ARID1B: variants seen among roughly 807,000 people sequenced by gnomAD.
ARID1B encodes AT-rich interaction domain 1B.
A neutral mutation model predicts 212.3 loss-of-function variants in ARID1B; 30 were observed. The observed-to-expected ratio is 0.14, with a 90% CI of 0.11 to 0.19. ARID1B has a LOEUF of 0.19. ARID1B is among the 10% of genes least tolerant of loss of function. The probability of loss-of-function intolerance (pLI) is 1.00; values close to 1 mark genes in which losing one functional copy is unlikely to be tolerated. For synonymous variants in ARID1B, 1,402 were observed against 1,301.7 expected (o/e 1.08, Z -1.66); for missense variants, 2,891 against 3,204.0 (o/e 0.90, Z 2.36).
At chr6:157,101,123 C>T (rs79186857) in intron 5 of ARID1B, among the ~76,000 whole-genome samples, 8,329 of 152,210 alleles carry the variant, frequency 0.055, 348 homozygotes, top group Non-Finnish European at 0.086. Context: ...CAGTGGGAAG[C>T]ACAAGATGAA....
At chr6:156,843,406 A>G (rs1048136314) in intron 2 of ARID1B, among the ~76,000 whole-genome samples, 2 of 152,204 alleles carry the variant, frequency 1.3e-5, no homozygotes, top group Non-Finnish European at 2.9e-5. Flanking sequence ...TTCAATGTCT[A>G]CAGTTGTTCA....
chr6:156,929,856 C>A lies in ARID1B; in HGVS notation c.2137-5610C>A, dbSNP rs1174189645. ...TTGTTTGTCAAGGACCAAGGTGCTCCTTTCCCTCCTCCATTCCTCCATCAT... is the reference window on the plus strand; with the variant it reads ...TTGTTTGTCAAGGACCAAGGTGCTCATTTCCCTCCTCCATTCCTCCATCAT... On this transcript the variant is annotated intron_variant, in intron 3 of 19. Transcript: ENST00000636930. Among the ~76,000 whole-genome samples the A allele has an allele frequency of 4.6e-5, 7 of 152,190 alleles. 1 individual carries two copies. The East Asian group carries it at 1.4e-3, about 29-fold the overall frequency.
chr6:156,976,537 A>G (rs1777260532), intron 4 of ARID1B: 1 of 210,398 alleles, frequency 4.8e-6, no homozygotes, highest in East Asian at 1.6e-4. Flanking sequence ...GAGGATTGAA[A>G]AAAGAACCAC....
chr6:157,127,805 A>C (rs1326732658), intron 6 of ARID1B, among the ~76,000 whole-genome samples: 1 of 143,548 alleles, frequency 7.0e-6, no homozygotes, highest in Non-Finnish European at 1.5e-5. Flanking sequence ...AAAAAAAAAA[A>C]ACAAAAATTA....
Position 157,207,933 on chromosome 6 carries a change from GTCACATATAACTGGCTGTTT to G in ARID1B, c.*45_*64del. The stretch of plus-strand genomic sequence containing the variant: ...AGCATGTGTGAGTGAAGATTAGAGG[GTCACATATAACTGGCTGTTT>G]TCTGTTCTTGTTTATCCAGCGTAGG... On this transcript the variant is annotated 3_prime_UTR_variant, in exon 20 of 20. Coordinates refer to ENST00000636930, the MANE Select transcript of ARID1B (RefSeq NM_001374828.1). The surrounding 1 kb of genome is among the most constrained non-coding windows in gnomAD (Gnocchi z 8.5). 6.9e-7 allele frequency: 1 copy of G among 1,444,562 alleles called. No homozygotes were observed. Among genetic ancestry groups the G allele is most frequent in the South Asian group, 1.8e-5 (1 of 55,402 alleles). The allele number at this position is 1,444,562 out of a possible 1,614,324, so 89.5% of individuals were successfully genotyped here. A position where few individuals can be genotyped will look rare whatever the true frequency, so the allele number is the denominator to read the frequency against.
intron 4 of ARID1B, among the ~76,000 whole-genome samples, chr6:157,027,171 A>G (rs62424281): frequency 0.37 from 56,973 of 151,958 alleles, 11,150 homozygotes; most frequent in African/African-American, 0.48. Flanking sequence ...TCTTAGCTTC[A>G]AACTTATTAG....
chr6:156,900,269 T>G (rs1045241410), intron 2 of ARID1B, among the ~76,000 whole-genome samples: 3 of 152,210 alleles, frequency 2.0e-5, no homozygotes, highest in Non-Finnish European at 4.4e-5. Context: ...TATAGGAACT[T>G]TAACTTTTTC....
chr6:157,156,595 G>A (rs1790589495), intron 8 of ARID1B, among the ~76,000 whole-genome samples: 2 of 152,188 alleles, frequency 1.3e-5, no homozygotes, highest in Admixed American at 1.3e-4. Context: ...GAACTGTGCA[G>A]CAGACCTGGG....
At chr6:157,197,849 AC>A (rs568194855) in intron 16 of ARID1B, among the ~76,000 whole-genome samples, 64 of 152,308 alleles carry the variant, frequency 4.2e-4, no homozygotes, top group Admixed American at 7.8e-4. Context: ...CTTAAATTTT[AC>A]CCATGTCAAT....
chr6:156,829,369 T>A lies in ARID1B; in HGVS notation c.1934T>A (p.Ile645Asn), dbSNP rs1057522610. Reference protein sequence around the residue: ...PPGPQRYPIGIQGRTPGAMAG... With the variant: ...PPGPQRYPIGNQGRTPGAMAG... ...GGCCCACAGCGGTATCCAATTGGCA[T>A]CCAGGGTCGGACTCCCGGGGCCATG... The change falls in exon 2 of 20, where the codon ATC becomes AAC. Residue 645 changes from isoleucine (I) to asparagine (N), a missense_variant. By Grantham distance (149) the Ile-to-Asn change is moderately radical. Coordinates refer to ENST00000636930, the MANE Select transcript of ARID1B (RefSeq NM_001374828.1). 6.8e-6 allele frequency: 11 copies of A among 1,614,208 alleles called. No homozygotes were observed. The highest frequency in any genetic ancestry group is 1.7e-5 in the Admixed American group (1 of 60,028).
chr6:157,034,978 G>C (rs2128503319), intron 4 of ARID1B, among the ~76,000 whole-genome samples: 1 of 152,286 alleles, frequency 6.6e-6, no homozygotes, highest in South Asian at 2.1e-4. Flanking sequence ...AGAATCTGGG[G>C]TGAAGGGTGC....
At chr6:156,807,961 G>T (rs1196713477) in intron 1 of ARID1B, among the ~76,000 whole-genome samples, 1 of 152,186 alleles carries the variant, frequency 6.6e-6, no homozygotes, top group Non-Finnish European at 1.5e-5. Flanking sequence ...TTCCTTTTCT[G>T]ACAGCCTCAG....
chr6:156,973,420 G>A (rs7759172), intron 4 of ARID1B, among the ~76,000 whole-genome samples: 5,638 of 152,084 alleles, frequency 0.037, 341 homozygotes, highest in African/African-American at 0.13. Flanking sequence ...GTGCCATATC[G>A]TTTGCTATAA....
At chr6:156,848,779 G>C (rs921448434) in intron 2 of ARID1B, among the ~76,000 whole-genome samples, 3 of 152,220 alleles carry the variant, frequency 2.0e-5, no homozygotes, top group Admixed American at 1.3e-4. Context: ...GTGCCGGGGG[G>C]CCTTCTCTGG....
chr6:157,040,605 A>G (rs1165593074), intron 4 of ARID1B, among the ~76,000 whole-genome samples: 2 of 152,256 alleles, frequency 1.3e-5, no homozygotes, highest in South Asian at 2.1e-4. Flanking sequence ...TGAGTTAAAT[A>G]CACTGGGACC....
intron 4 of ARID1B, among the ~76,000 whole-genome samples, chr6:157,061,464 A>T (rs1783337436): frequency 6.6e-6 from 1 of 152,098 alleles, no homozygotes; most frequent in African/African-American, 2.4e-5. Flanking sequence ...CCAAGAGGTG[A>T]GGTCACCTGC....
chr6:157,162,623 G>C (rs948162171), intron 8 of ARID1B, among the ~76,000 whole-genome samples: 2 of 152,148 alleles, frequency 1.3e-5, no homozygotes, highest in African/African-American at 4.8e-5. Flanking sequence ...AAATACCTCT[G>C]GTCCCAACCA....
chr6:156,833,314 T>C (rs1783273691), intron 2 of ARID1B, among the ~76,000 whole-genome samples: 1 of 152,228 alleles, frequency 6.6e-6, no homozygotes, highest in Non-Finnish European at 1.5e-5. Flanking sequence ...TGATCATAAA[T>C]GTACACCTAG....
chr6:156,977,203 A>G (rs1011433699), intron 4 of ARID1B: 4 of 184,654 alleles, frequency 2.2e-5, no homozygotes, highest in Non-Finnish European at 2.2e-5. Flanking sequence ...ATTGACTTTC[A>G]TATCTGTAGA....
Sources: gnomAD v4.1 joint callset for allele counts (sites outside exome capture counted in the v4.1 genomes callset) on GRCh38, gnomAD v4.1.1 for gene constraint, Gnocchi (gnomAD v3.1) non-coding constraint, MANE v1.5 for transcripts, NCBI Gene and HGNC (gene_info 2026-07-23, HGNC 2026-07-21) for gene names.